HS6ST3: variants seen among roughly 807,000 people sequenced by gnomAD.
HS6ST3 encodes the protein heparan sulfate 6-O-sulfotransferase 3, also known as heparan-sulfate 6-O-sulfotransferase 3.
HS6ST3 carries 12 observed loss-of-function variants against 36.7 expected under a neutral mutation model. The observed-to-expected ratio is 0.33, with a 90% CI of 0.21 to 0.53. The LOEUF is 0.53. HS6ST3 is among the 20% of genes least tolerant of loss of function. The pLI, the probability that HS6ST3 is intolerant of heterozygous loss-of-function variation, is 0.95. For synonymous variants in HS6ST3, 240 were observed against 257.5 expected (o/e 0.93, Z 0.65); for missense variants, 584 against 640.9 (o/e 0.91, Z 0.96).
rs544925419 is a variant in HS6ST3, at chr13:96,540,446, G to A, written c.708-292044G>A. On this transcript the variant is annotated intron_variant, in intron 1 of 1. Coordinates refer to ENST00000376705, the MANE Select transcript of HS6ST3 (RefSeq NM_153456.4). ...TTAACTTGTCCCTTCACTTACATTG[G>A]ATCCATTTTATCTACAAAATTATAA... Among the ~76,000 whole-genome samples the A allele has an allele frequency of 2.8e-3, 422 of 150,500 alleles. 1 individual carries two copies. The highest frequency in any genetic ancestry group is 7.7e-3 in the South Asian group (37 of 4,808).
intron 1 of HS6ST3, among the ~76,000 whole-genome samples, chr13:96,332,376 C>T (rs546659660): frequency 2.6e-5 from 4 of 152,290 alleles, no homozygotes; most frequent in Non-Finnish European, 5.9e-5. Context: ...GTTTTGCTTA[C>T]TAACGGTAAC....
chr13:96,565,381 A>G (rs1217227190), intron 1 of HS6ST3, among the ~76,000 whole-genome samples: 2 of 152,098 alleles, frequency 1.3e-5, no homozygotes, highest in African/African-American at 4.8e-5. Flanking sequence ...CTCAGATCCC[A>G]AAATAGGTAG....
chr13:96,606,006 A>T (rs2056437475), intron 1 of HS6ST3, among the ~76,000 whole-genome samples: 1 of 152,216 alleles, frequency 6.6e-6, no homozygotes, highest in Non-Finnish European at 1.5e-5. Context: ...ATACATGCAA[A>T]TCAAAACCAC....
At position 96,645,495 on chromosome 13, in the gene HS6ST3, C is replaced by T. The variant is rs546536206; in HGVS notation, c.708-186995C>T. ...TGTTCCATGTCACTGTTCTAATTCACGTATTCCACCGAGGTGAAATATAAT... is the reference window on the plus strand; with the variant it reads ...TGTTCCATGTCACTGTTCTAATTCATGTATTCCACCGAGGTGAAATATAAT... On this transcript the variant is annotated intron_variant, in intron 1 of 1. Coordinates refer to ENST00000376705, the MANE Select transcript of HS6ST3 (RefSeq NM_153456.4). Among the ~76,000 whole-genome samples the T allele has an allele frequency of 1.7e-4, 25 of 150,868 alleles. 1 individual carries two copies. The highest frequency in any genetic ancestry group is 7.3e-4 in the Admixed American group (11 of 15,054).
chr13:96,792,067 A>C (rs541752007), intron 1 of HS6ST3, among the ~76,000 whole-genome samples: 1 of 152,232 alleles, frequency 6.6e-6, no homozygotes, highest in Admixed American at 6.6e-5. Flanking sequence ...ACACATACAC[A>C]CATATTACTC....
chr13:96,333,040 C>T (rs2055080369), intron 1 of HS6ST3, among the ~76,000 whole-genome samples: 1 of 152,204 alleles, frequency 6.6e-6, no homozygotes, highest in African/African-American at 2.4e-5. Context: ...TGCTCTTGGA[C>T]TTCTCAGCCT....
chr13:96,698,298 T>C (rs1162416799), intron 1 of HS6ST3, among the ~76,000 whole-genome samples: 1 of 152,188 alleles, frequency 6.6e-6, no homozygotes, highest in Admixed American at 6.5e-5. Flanking sequence ...ATGTGGTGTT[T>C]GTTTTTTTGT....
chr13:96,790,510 A>C (rs1463730157), intron 1 of HS6ST3, among the ~76,000 whole-genome samples: 1 of 152,076 alleles, frequency 6.6e-6, no homozygotes, highest in African/African-American at 2.4e-5. Context: ...TGAAAATGAG[A>C]GAAAAACTGA....
intron 1 of HS6ST3, among the ~76,000 whole-genome samples, chr13:96,358,227 T>C (rs2055219693): frequency 6.6e-6 from 1 of 152,212 alleles, no homozygotes; most frequent in South Asian, 2.1e-4. Context: ...ATTTTAATAA[T>C]TGATCAGACA....
chr13:96,624,442 A>T (rs1461344437), intron 1 of HS6ST3, among the ~76,000 whole-genome samples: 3 of 152,016 alleles, frequency 2.0e-5, no homozygotes, highest in Admixed American at 6.6e-5. Context: ...TCGAACTCAC[A>T]TTTTTTTCAA....
At chr13:96,729,316 T>A (rs1404726463) in intron 1 of HS6ST3, among the ~76,000 whole-genome samples, 1 of 152,124 alleles carries the variant, frequency 6.6e-6, no homozygotes, top group Non-Finnish European at 1.5e-5. Flanking sequence ...CCAGCCTTGA[T>A]GTGAATGCAA....
intron 1 of HS6ST3, among the ~76,000 whole-genome samples, chr13:96,266,478 G>A (rs1275503757): frequency 6.6e-6 from 1 of 152,172 alleles, no homozygotes; most frequent in Non-Finnish European, 1.5e-5. Flanking sequence ...CAGTAGATAT[G>A]TGTCAATAAA....
chr13:96,182,361 A>T (rs1566901696), intron 1 of HS6ST3, among the ~76,000 whole-genome samples: 1 of 152,226 alleles, frequency 6.6e-6, no homozygotes, highest in South Asian at 2.1e-4. Context: ...TAATGATTTA[A>T]GACAAGAATC....
At chr13:96,466,567 G>A (rs973080513) in intron 1 of HS6ST3, among the ~76,000 whole-genome samples, 21 of 152,044 alleles carry the variant, frequency 1.4e-4, no homozygotes, top group African/African-American at 4.3e-4. Flanking sequence ...CTGGTATAAT[G>A]TTCCTCAGGC....
intron 1 of HS6ST3, among the ~76,000 whole-genome samples, chr13:96,373,493 G>A (rs1566341234): frequency 6.6e-6 from 1 of 152,168 alleles, no homozygotes. Context: ...AGAGTGAGAA[G>A]AGTATAAATG....
At chr13:96,266,067 A>G (rs2054690951) in intron 1 of HS6ST3, among the ~76,000 whole-genome samples, 1 of 152,082 alleles carries the variant, frequency 6.6e-6, no homozygotes, top group Non-Finnish European at 1.5e-5. Context: ...ATACCCTGCA[A>G]GAGCACCATA....
At chr13:96,790,571 ATT>A (rs1368238156) in intron 1 of HS6ST3, among the ~76,000 whole-genome samples, 2 of 152,036 alleles carry the variant, frequency 1.3e-5, no homozygotes, top group Non-Finnish European at 1.5e-5. Context: ...GTCAACCAAT[ATT>A]TTTTAAGTTT....
chr13:96,372,135 T>C (rs2055293048), intron 1 of HS6ST3, among the ~76,000 whole-genome samples: 1 of 152,206 alleles, frequency 6.6e-6, no homozygotes, highest in African/African-American at 2.4e-5. Flanking sequence ...TCCACATTCT[T>C]GTCAGCGCTT....
intron 1 of HS6ST3, among the ~76,000 whole-genome samples, chr13:96,582,739 G>A (rs1001193660): frequency 1.3e-5 from 2 of 151,920 alleles, no homozygotes; most frequent in African/African-American, 4.8e-5. Context: ...TTTTGAACTT[G>A]GGCAATGTAG....
Sources: allele counts gnomAD v4.1 joint callset (sites outside exome capture counted in the v4.1 genomes callset), GRCh38; gene constraint gnomAD v4.1.1; transcripts MANE v1.5; gene names NCBI Gene and HGNC (gene_info 2026-07-23, HGNC 2026-07-21).